The following COMMD10 variants were observed in gnomAD, a reference collection of about 807,000 sequenced individuals.
COMMD10 encodes the protein COMM domain containing 10.
A neutral mutation model predicts 28.9 loss-of-function variants in COMMD10; 33 were observed. That is an observed-to-expected ratio of 1.14 (90% confidence interval 0.87 to 1.53). COMMD10 has a LOEUF of 1.53. Among genes scored for constraint, COMMD10 ranks in the 40% most tolerant of loss-of-function variants. The probability of loss-of-function intolerance (pLI) is 0.00; values close to 1 mark genes in which losing one functional copy is unlikely to be tolerated. For synonymous variants in COMMD10, 110 were observed against 81.7 expected (o/e 1.35, Z -1.87); for missense variants, 310 against 233.4 (o/e 1.33, Z -2.14).
At chr5:116,175,999 C>A (rs1753497103) in intron 5 of COMMD10, among the ~76,000 whole-genome samples, 1 of 151,930 alleles carries the variant, frequency 6.6e-6, no homozygotes, top group African/African-American at 2.4e-5. Flanking sequence ...CAGAACTGTA[C>A]TCAAAATGGT....
chr5:116,272,832 G>A (rs933522393), intron 5 of COMMD10, among the ~76,000 whole-genome samples: 1 of 151,888 alleles, frequency 6.6e-6, no homozygotes, highest in Admixed American at 6.6e-5. Context: ...TGAGATGTCT[G>A]TGGTGTTGGC....
intron 5 of COMMD10, among the ~76,000 whole-genome samples, chr5:116,229,010 T>C (rs1171582263): frequency 6.6e-6 from 1 of 152,020 alleles, no homozygotes. Context: ...TATTTGCCTA[T>C]AGACATTACA....
intron 5 of COMMD10, among the ~76,000 whole-genome samples, chr5:116,212,636 T>C (rs772674141): frequency 1.3e-5 from 2 of 152,012 alleles, no homozygotes; most frequent in Non-Finnish European, 2.9e-5. Flanking sequence ...CTGTATACTA[T>C]TTAATGAAAT....
chr5:116,103,422 G>A (rs75672817), intron 4 of COMMD10, among the ~76,000 whole-genome samples: 78,068 of 152,066 alleles, frequency 0.51, 22,228 homozygotes, highest in Non-Finnish European at 0.65. Context: ...ATGACCAGTG[G>A]TGATGAGCTT....
intron 5 of COMMD10, among the ~76,000 whole-genome samples, chr5:116,165,344 G>C (rs577726455): frequency 2.0e-4 from 30 of 152,214 alleles, no homozygotes; most frequent in African/African-American, 7.0e-4. Flanking sequence ...AGTATTTTTG[G>C]TAATTGTAAT....
intron 5 of COMMD10, among the ~76,000 whole-genome samples, chr5:116,285,206 A>G (rs1414548095): frequency 6.6e-6 from 1 of 151,982 alleles, no homozygotes; most frequent in Non-Finnish European, 1.5e-5. Flanking sequence ...ATACATGTAA[A>G]TGTAAAAGTC....
At position 116,172,839 on chromosome 5, in the gene COMMD10, A is replaced by G. The variant is rs1703720485; in HGVS notation, c.510+38661A>G. On this transcript the variant is annotated intron_variant, in intron 5 of 6. Transcript: ENST00000274458. ...GAGCTTGAATTCTTCATGCTTTTTA[A>G]TTACAAAAAATACGATGAAATTTCA... Among the ~76,000 whole-genome samples, 3 of 152,148 alleles carry G rather than the reference A, an allele frequency of 2.0e-5. No homozygotes were observed. The South Asian group carries it at 6.2e-4, about 31-fold the overall frequency.
chr5:116,286,957 C>G (rs188158403), intron 5 of COMMD10, among the ~76,000 whole-genome samples: 1 of 151,890 alleles, frequency 6.6e-6, no homozygotes, highest in African/African-American at 2.4e-5. Context: ...ATATTGAAGT[C>G]TCCTACTATT....
At chr5:116,167,158 G>A (rs934365036) in intron 5 of COMMD10, among the ~76,000 whole-genome samples, 1 of 151,884 alleles carries the variant, frequency 6.6e-6, no homozygotes, top group Admixed American at 6.6e-5. Context: ...GAACATAAAT[G>A]AGCTGATGGA....
At chr5:116,263,770 G>C (rs888120832) in intron 5 of COMMD10, among the ~76,000 whole-genome samples, 6 of 151,606 alleles carry the variant, frequency 4.0e-5, no homozygotes, top group Non-Finnish European at 7.4e-5. Flanking sequence ...CCTACTTTTT[G>C]TTCTCCTGCC....
At chr5:116,173,531 A>G (rs894859503) in intron 5 of COMMD10, among the ~76,000 whole-genome samples, 2 of 152,202 alleles carry the variant, frequency 1.3e-5, no homozygotes, top group Non-Finnish European at 2.9e-5. Flanking sequence ...CCATCACATT[A>G]TGAATAGCTT....
rs140972052 is a variant in COMMD10, at chr5:116,229,241, CAG to C, written c.511-62274_511-62273del. ...TGATTTGTTTTGAGTCTGGGGCAGA[CAG>C]ACACAGTAATGGCTTAGTCTGATAC... On this transcript the variant is annotated intron_variant, in intron 5 of 6. Coordinates refer to ENST00000274458, the MANE Select transcript of COMMD10 (RefSeq NM_016144.4). 9.4e-3 allele frequency among the ~76,000 whole-genome samples: 1,423 copies of C among 152,082 alleles called. 25 individuals carry two copies. Among genetic ancestry groups the C allele is most frequent in the African/African-American group, 0.032 (1,327 of 41,510 alleles).
chr5:116,163,672 AT>A (rs1266719601), intron 5 of COMMD10, among the ~76,000 whole-genome samples: 2 of 152,168 alleles, frequency 1.3e-5, no homozygotes, highest in Non-Finnish European at 2.9e-5. Context: ...AGTTTATAGT[AT>A]ATAGGGTTAA....
chr5:116,239,961 C>T (rs1038455388), intron 5 of COMMD10, among the ~76,000 whole-genome samples: 1 of 152,094 alleles, frequency 6.6e-6, no homozygotes, highest in Non-Finnish European at 1.5e-5. Flanking sequence ...AGAGTAGAGT[C>T]CAGAATGGCC....
At chr5:116,194,834 T>C (rs1296606128) in intron 5 of COMMD10, among the ~76,000 whole-genome samples, 1 of 152,074 alleles carries the variant, frequency 6.6e-6, no homozygotes, top group Non-Finnish European at 1.5e-5. Flanking sequence ...ATTACCCTAA[T>C]ACCAAAATCA....
intron 5 of COMMD10, among the ~76,000 whole-genome samples, chr5:116,261,504 G>C (rs907201288): frequency 1.3e-5 from 2 of 151,716 alleles, no homozygotes; most frequent in African/African-American, 4.9e-5. Context: ...AAATTGGTCA[G>C]TGCAGCCTGC....
intron 5 of COMMD10, among the ~76,000 whole-genome samples, chr5:116,291,307 CAGATG>C (rs1751353890): frequency 2.0e-5 from 3 of 152,172 alleles, no homozygotes; most frequent in Non-Finnish European, 4.4e-5. Flanking sequence ...ACTTAAAGGA[CAGATG>C]TCTGTAGAAT....
chr5:116,237,355 G>A lies in COMMD10; in HGVS notation c.511-54162G>A, dbSNP rs200230093. On this transcript the variant is annotated intron_variant, in intron 5 of 6. Coordinates refer to ENST00000274458, the MANE Select transcript of COMMD10 (RefSeq NM_016144.4). Reference sequence around the variant, plus strand: ...AGTGTTTACAGAGTAGAATAGTAATGGTTATATTTGAGTATTTTTCTCTTT... The same window carrying A: ...AGTGTTTACAGAGTAGAATAGTAATAGTTATATTTGAGTATTTTTCTCTTT... Among the ~76,000 whole-genome samples the A allele has an allele frequency of 4.9e-3, 740 of 152,148 alleles. 6 individuals carry two copies. Among genetic ancestry groups the A allele is most frequent in the African/African-American group, 0.015 (622 of 41,500 alleles).
At chr5:116,121,063 A>G (rs1751414155) in intron 4 of COMMD10, among the ~76,000 whole-genome samples, 1 of 152,086 alleles carries the variant, frequency 6.6e-6, no homozygotes. Flanking sequence ...TACATGTGCC[A>G]TGTTGTTATG....
Sources: allele counts gnomAD v4.1 joint callset (sites outside exome capture counted in the v4.1 genomes callset), GRCh38; gene constraint gnomAD v4.1.1; transcripts MANE v1.5; gene names NCBI Gene and HGNC (gene_info 2026-07-23, HGNC 2026-07-21).